Variants in MEIKIN observed in about 807,000 individuals in gnomAD.
The protein encoded by MEIKIN is meiotic kinetochore factor.
intron 11 of MEIKIN, among the ~76,000 whole-genome samples, chr5:131,837,007 T>C (rs1749820499): frequency 6.6e-6 from 1 of 152,120 alleles, no homozygotes; most frequent in South Asian, 2.1e-4. Context: ...TTTTGGGTTT[T>C]ATATTTAGGC....
At chr5:131,816,856 C>G (rs143617213) in intron 12 of MEIKIN, among the ~76,000 whole-genome samples, 175 of 152,214 alleles carry the variant, frequency 1.1e-3, no homozygotes, top group African/African-American at 4.1e-3. Context: ...GGTTGGGTAG[C>G]AATATATTAT....
At chr5:131,813,071 T>G (rs1580854876) in intron 12 of MEIKIN, among the ~76,000 whole-genome samples, 1 of 152,304 alleles carries the variant, frequency 6.6e-6, no homozygotes, top group East Asian at 1.9e-4. Flanking sequence ...TATGTAAAAT[T>G]GAGCTTGAGC....
chr5:131,841,842 T>C (rs906421119), intron 11 of MEIKIN, among the ~76,000 whole-genome samples: 6 of 152,196 alleles, frequency 3.9e-5, no homozygotes, highest in African/African-American at 1.4e-4. Context: ...ATTTTCTTAA[T>C]CCCTTTTTTG....
At chr5:131,934,823 C>T (rs891891500) in intron 4 of MEIKIN, among the ~76,000 whole-genome samples, 6 of 151,888 alleles carry the variant, frequency 4.0e-5, no homozygotes, top group East Asian at 1.9e-4. Context: ...TTTGGGAGAC[C>T]GAGGCAGGCA....
chr5:131,859,696 A>AT (rs1398401357), intron 9 of MEIKIN, among the ~76,000 whole-genome samples: 2 of 152,106 alleles, frequency 1.3e-5, no homozygotes, highest in Non-Finnish European at 1.5e-5. Flanking sequence ...AGTCTTAGGT[A>AT]TTTTTTTAAA....
Position 131,826,465 on chromosome 5 carries a change from T to C in MEIKIN, c.976-7602A>G, listed in dbSNP as rs1374115757. Among the ~76,000 whole-genome samples, 3 of 152,158 alleles carry C rather than the reference T, an allele frequency of 2.0e-5. No individual in the cohort carries two copies. In the East Asian group the frequency reaches 5.8e-4, roughly 29 times the overall value. The stretch of plus-strand genomic sequence containing the variant: ...TTAAAAGTACTGTAAGGTCCTTATA[T>C]TTTTTGCCAACAAAGTTGAGTTATT... On this transcript the variant is annotated intron_variant, in intron 11 of 12. Transcript: ENST00000442687.
chr5:131,896,499 T>A (rs866275499), intron 8 of MEIKIN, among the ~76,000 whole-genome samples: 1 of 152,198 alleles, frequency 6.6e-6, no homozygotes, highest in Non-Finnish European at 1.5e-5. Context: ...TCTCCCATTA[T>A]TATTGTGTGG....
chr5:131,836,387 A>G (rs1749807782), intron 11 of MEIKIN, among the ~76,000 whole-genome samples: 2 of 152,190 alleles, frequency 1.3e-5, no homozygotes. Context: ...TGGTAGAACA[A>G]TTTATATTCC....
intron 3 of MEIKIN, 25 bp from the exon 4 acceptor site, chr5:131,942,720 A>G (rs1751893993): frequency 2.5e-6 from 1 of 397,972 alleles, no homozygotes; most frequent in Admixed American, 4.4e-5. Flanking sequence ...AATTAAAGCT[A>G]TAGCAAAATT....
At chr5:131,941,142 CTTTTTTTTTTTTTTTT>C (rs397999274) in intron 4 of MEIKIN, among the ~76,000 whole-genome samples, 7 of 59,662 alleles carry the variant, frequency 1.2e-4, no homozygotes, top group Admixed American at 1.1e-3. Context: ...AGATCTCTTC[CTTTTTTTTTTTTTTTT>C]TTTTTTTTTT....
At chr5:131,829,502 A>G (rs1262593897) in intron 11 of MEIKIN, among the ~76,000 whole-genome samples, 1 of 152,168 alleles carries the variant, frequency 6.6e-6, no homozygotes, top group African/African-American at 2.4e-5. Flanking sequence ...TCTAGGAGAG[A>G]CTTCCTTAGT....
At chr5:131,892,873 T>C (rs1750955944) in intron 8 of MEIKIN, among the ~76,000 whole-genome samples, 1 of 152,198 alleles carries the variant, frequency 6.6e-6, no homozygotes, top group Non-Finnish European at 1.5e-5. Context: ...TTGATGATGG[T>C]GACGTACAGA....
At chr5:131,897,620 G>A (rs752499347) in intron 8 of MEIKIN, among the ~76,000 whole-genome samples, 42 of 151,740 alleles carry the variant, frequency 2.8e-4, no homozygotes, top group Admixed American at 2.2e-3. Context: ...TTGTCTTCTC[G>A]CTTTATTTCA....
At chr5:131,917,020 TA>T in intron 6 of MEIKIN, 95 bp from the exon 7 acceptor site, 1 of 385,240 alleles carries the variant, frequency 2.6e-6, no homozygotes, top group Non-Finnish European at 4.6e-6. Flanking sequence ...AGTTCATTTT[TA>T]TAACTTTTTA....
chr5:131,879,233 C>T (rs1750664825), intron 8 of MEIKIN, among the ~76,000 whole-genome samples, 185 bp from the exon 9 acceptor site: 1 of 152,004 alleles, frequency 6.6e-6, no homozygotes, highest in Non-Finnish European at 1.5e-5. Flanking sequence ...ATAAAAACAT[C>T]CTTATCTTAA....
chr5:131,837,893 T>C (rs569776425), intron 11 of MEIKIN, among the ~76,000 whole-genome samples: 19 of 152,262 alleles, frequency 1.2e-4, no homozygotes, highest in African/African-American at 4.3e-4. Flanking sequence ...CCTAATACTA[T>C]ACTAAAGAGG....
intron 8 of MEIKIN, among the ~76,000 whole-genome samples, chr5:131,893,295 C>G (rs1018266067): frequency 6.6e-6 from 1 of 152,192 alleles, no homozygotes; most frequent in Non-Finnish European, 1.5e-5. Flanking sequence ...GAATGGTGGG[C>G]GCCCCTCCCC....
chr5:131,889,025 A>G (rs572731439), intron 8 of MEIKIN, among the ~76,000 whole-genome samples: 1 of 152,122 alleles, frequency 6.6e-6, no homozygotes, highest in African/African-American at 2.4e-5. Flanking sequence ...AGTTGTAGAT[A>G]AGTGGCATTA....
chr5:131,848,067 T>C (rs1750048325), intron 11 of MEIKIN, among the ~76,000 whole-genome samples: 1 of 152,006 alleles, frequency 6.6e-6, no homozygotes, highest in African/African-American at 2.4e-5. Context: ...ATGCTTAAAT[T>C]GAAAAACAAG....
Sources: allele counts gnomAD v4.1 joint callset (sites outside exome capture counted in the v4.1 genomes callset), GRCh38; gene constraint gnomAD v4.1.1; transcripts MANE v1.5; gene names NCBI Gene and HGNC (gene_info 2026-07-23, HGNC 2026-07-21).